STT3B: variants seen among roughly 807,000 people sequenced by gnomAD.
STT3B encodes the protein STT3 oligosaccharyltransferase complex catalytic subunit B.
A neutral mutation model predicts 96.8 loss-of-function variants in STT3B; 29 were observed. The ratio of observed to expected loss-of-function variants is 0.30; its 90% CI spans 0.22 to 0.41. STT3B has a LOEUF of 0.41. Among genes scored for constraint, STT3B ranks in the 10% least tolerant of loss-of-function variants. The probability of loss-of-function intolerance (pLI) is 1.00; values close to 1 mark genes in which losing one functional copy is unlikely to be tolerated. For missense variants in STT3B, 640 were observed against 1,022.3 expected, an observed-to-expected ratio of 0.63 and a Z score of 5.10; for synonymous variants, 367 against 360.0, an observed-to-expected ratio of 1.02 and a Z score of -0.22.
chr3:31,595,952 T>TCCTTATAGTATAA (rs1463499604), intron 3 of STT3B, among the ~76,000 whole-genome samples: 1 of 152,208 alleles, frequency 6.6e-6, no homozygotes, highest in Non-Finnish European at 1.5e-5. Context: ...GACCTTTTGG[T>TCCTTATAGTATAA]ACTCAGTGTT....
At chr3:31,575,664 G>A (rs561574779) in intron 1 of STT3B, among the ~76,000 whole-genome samples, 1 of 152,076 alleles carries the variant, frequency 6.6e-6, no homozygotes, top group East Asian at 1.9e-4. Flanking sequence ...TCTATGTGTA[G>A]TGCTTCTACC....
intron 5 of STT3B, 51 bp from the exon 6 acceptor site, chr3:31,615,054 G>A (rs746275604): frequency 9.3e-7 from 1 of 1,079,178 alleles, no homozygotes; most frequent in Non-Finnish European, 1.4e-6. Context: ...TATGTTTTAG[G>A]TACTTAATGG....
chr3:31,575,066 A>C (rs1209347980), intron 1 of STT3B, among the ~76,000 whole-genome samples: 1 of 152,128 alleles, frequency 6.6e-6, no homozygotes, highest in Admixed American at 6.6e-5. Flanking sequence ...TTCATTAACT[A>C]TAGACTTTAA....
Position 31,533,118 on chromosome 3 carries a change from C to T in STT3B, c.120C>T (p.Cys40=). The T allele has an allele frequency of 7.4e-7, 1 of 1,358,330 alleles. No individual in the cohort carries two copies. Among genetic ancestry groups the T allele is most frequent in the Admixed American group, 3.6e-5 (1 of 27,434 alleles). 84.1% of individuals were successfully genotyped at this position (1,358,330 alleles called of 1,614,324 possible). ...RHGHHGPGAQ[C]AHKAAGGAAP... ...GCCACCACGGGCCCGGGGCCCAGTG[C>T]GCGCACAAGGCGGCGGGCGGCGCGG... The change falls in exon 1 of 16, where the codon TGC becomes TGT. Residue 40 remains cysteine, a synonymous_variant. Coordinates refer to ENST00000295770, the MANE Select transcript of STT3B (RefSeq NM_178862.3).
chr3:31,589,980 A>G (rs1251907858), intron 3 of STT3B, among the ~76,000 whole-genome samples: 3 of 152,048 alleles, frequency 2.0e-5, no homozygotes, highest in East Asian at 3.8e-4. Flanking sequence ...CATTGAAGCC[A>G]TGTGGACCAG....
In STT3B at chr3:31,592,320, G is replaced by A. The variant is rs147177692; in HGVS notation, c.712-4478G>A. ...CCTTTTTAAGGTGGAATAATATTCC[G>A]TTGTATGTACATGCCATATTTGGCT... is the stretch of plus-strand genomic sequence containing the variant. On this transcript the variant is annotated intron_variant, in intron 3 of 15. Coordinates refer to ENST00000295770, the MANE Select transcript of STT3B (RefSeq NM_178862.3). Among the ~76,000 whole-genome samples the A allele has an allele frequency of 1.7e-3, 261 of 152,222 alleles. 2 individuals are homozygous for A. The highest frequency in any genetic ancestry group is 5.6e-3 in the African/African-American group (231 of 41,538).
intron 3 of STT3B, among the ~76,000 whole-genome samples, chr3:31,595,289 C>G (rs1160108437): frequency 6.6e-6 from 1 of 152,168 alleles, no homozygotes; most frequent in Admixed American, 6.5e-5. Context: ...AGTTAAGAGC[C>G]ACGAACTGTG....
chr3:31,587,708 C>A (rs1332087413), intron 3 of STT3B, among the ~76,000 whole-genome samples: 1 of 152,036 alleles, frequency 6.6e-6, no homozygotes, highest in African/African-American at 2.4e-5. Flanking sequence ...TGATGAATAA[C>A]GCTTCTGTGA....
intron 13 of STT3B, among the ~76,000 whole-genome samples, 187 bp downstream of exon 13, chr3:31,626,314 T>C (rs1214036507): frequency 1.3e-5 from 2 of 152,216 alleles, no homozygotes; most frequent in Non-Finnish European, 2.9e-5. Context: ...GAAGTCAAAA[T>C]GGAACTAATA....
At chr3:31,617,441 C>T (rs1427130319) in intron 7 of STT3B, among the ~76,000 whole-genome samples, 1 of 151,882 alleles carries the variant, frequency 6.6e-6, no homozygotes, top group Non-Finnish European at 1.5e-5. Flanking sequence ...AAGTTACCCT[C>T]TAACCTTTAT....
At chr3:31,546,970 A>G (rs556097850) in intron 1 of STT3B, among the ~76,000 whole-genome samples, 1 of 152,314 alleles carries the variant, frequency 6.6e-6, no homozygotes, top group East Asian at 1.9e-4. Context: ...AAGGTGTACA[A>G]TTATGAATCA....
chr3:31,615,402 G>C (rs1244595272), intron 6 of STT3B, among the ~76,000 whole-genome samples, 199 bp downstream of exon 6: 1 of 151,822 alleles, frequency 6.6e-6, no homozygotes, highest in East Asian at 1.9e-4. Context: ...TTGGAAGTCT[G>C]TGGGTAGTTA....
intron 13 of STT3B, 156 bp from the exon 14 acceptor site, chr3:31,629,142 G>A (rs918284817): frequency 1.9e-5 from 11 of 588,154 alleles, no homozygotes; most frequent in African/African-American, 1.2e-4. Context: ...AACATGGTTC[G>A]AAGTCTGGTG....
intron 1 of STT3B, among the ~76,000 whole-genome samples, chr3:31,550,526 G>C (rs999985778): frequency 6.6e-6 from 1 of 152,112 alleles, no homozygotes; most frequent in African/African-American, 2.4e-5. Context: ...TGACATTTGT[G>C]AGTCTTTCCC....
intron 1 of STT3B, among the ~76,000 whole-genome samples, chr3:31,534,523 T>C (rs1288395969): frequency 6.6e-6 from 1 of 152,222 alleles, no homozygotes; most frequent in African/African-American, 2.4e-5. Flanking sequence ...AATTTCAGGA[T>C]ATTTGTTTCA....
chr3:31,572,833 A>G (rs1454843297), intron 1 of STT3B, among the ~76,000 whole-genome samples: 1 of 152,214 alleles, frequency 6.6e-6, no homozygotes, highest in Non-Finnish European at 1.5e-5. Flanking sequence ...CTGCAGAAGC[A>G]TGGGCAACCG....
intron 4 of STT3B, 138 bp downstream of exon 4, chr3:31,597,001 A>G: frequency 6.1e-6 from 4 of 652,886 alleles, no homozygotes; most frequent in Non-Finnish European, 1.0e-5. Flanking sequence ...TCCTTCTCCT[A>G]CTCACAGGTC....
chr3:31,623,608 A>T lies in STT3B; in HGVS notation c.1540-66A>T, dbSNP rs1366868784. ...GATAAACAGTCTCTCAACTTTTTCCATTGAGTATCTTAATGAAGCAAGTCA... is the reference window on the plus strand; with the variant it reads ...GATAAACAGTCTCTCAACTTTTTCCTTTGAGTATCTTAATGAAGCAAGTCA... On this transcript the variant is annotated intron_variant, in intron 10 of 15. Coordinates refer to ENST00000295770, the MANE Select transcript of STT3B (RefSeq NM_178862.3). 6 of 1,261,668 alleles carry T rather than the reference A, an allele frequency of 4.8e-6. No homozygotes were observed. The African/African-American group carries it at 9.0e-5, about 19-fold the overall frequency. The allele number at this position is 1,261,668 out of a possible 1,614,324, so 78.2% of individuals were successfully genotyped here. A position where few individuals can be genotyped will look rare whatever the true frequency, so the allele number is the denominator to read the frequency against.
chr3:31,554,922 ATTTGATATG>A (rs1425300643), intron 1 of STT3B, among the ~76,000 whole-genome samples: 2 of 152,086 alleles, frequency 1.3e-5, no homozygotes, highest in Non-Finnish European at 2.9e-5. Flanking sequence ...ATCAGTATGT[ATTTGATATG>A]TTTGTTGGGT....
Sources: gnomAD v4.1 joint callset for allele counts (sites outside exome capture counted in the v4.1 genomes callset) on GRCh38, gnomAD v4.1.1 for gene constraint, MANE v1.5 for transcripts, NCBI Gene and HGNC (gene_info 2026-07-23, HGNC 2026-07-21) for gene names.